The following SHQ1 variants were observed in gnomAD, a reference collection of about 807,000 sequenced individuals.
SHQ1 encodes protein SHQ1 homolog.
In SHQ1, 49 loss-of-function variants were observed where a neutral mutation model predicts 53.8. The observed-to-expected ratio is 0.91, with a 90% confidence interval of 0.72 to 1.16. The LOEUF is 1.16. Ranked by LOEUF, SHQ1 falls within the 50% of genes most tolerant of loss-of-function variation. SHQ1 has a pLI of 0.00. For missense variants in SHQ1, 738 were observed against 683.1 expected, an observed-to-expected ratio of 1.08 and a Z score of -0.90; for synonymous variants, 243 against 251.0, an observed-to-expected ratio of 0.97 and a Z score of 0.30.
At chr3:72,848,088 G>A in intron 1 of SHQ1, 110 bp downstream of exon 1, 2 of 1,350,504 alleles carry the variant, frequency 1.5e-6, no homozygotes, top group Non-Finnish European at 2.1e-6. Context: ...CGGAAACGTC[G>A]GGAAAAGGCA....
chr3:72,746,204 T>C (rs1311046474), downstream of SHQ1, among the ~76,000 whole-genome samples: 1 of 152,088 alleles, frequency 6.6e-6, no homozygotes, highest in Non-Finnish European at 1.5e-5. Context: ...CCAGCTACAG[T>C]GGAGCTGGGT....
intron 10 of SHQ1, chr3:72,753,191 T>A (rs1228154646): frequency 1.0e-6 from 1 of 985,440 alleles, no homozygotes; most frequent in African/African-American, 1.7e-5. Context: ...CATGCTGACA[T>A]GGTTTCTATG....
At chr3:72,734,914 GC>G in the SHQ1 span, among the ~76,000 whole-genome samples, 2 of 151,482 alleles carry the variant, frequency 1.3e-5, no homozygotes, top group Admixed American at 1.3e-4. Flanking sequence ...CAACATTTGT[GC>G]CGGCCATGAT....
chr3:72,743,224 C>T, the SHQ1 span, among the ~76,000 whole-genome samples: 40 of 152,200 alleles, frequency 2.6e-4, no homozygotes, highest in Non-Finnish European at 4.0e-4. Flanking sequence ...TTTCCTGCTC[C>T]GATCATTCTG....
chr3:72,725,380 C>A, the SHQ1 span, among the ~76,000 whole-genome samples: 2 of 152,152 alleles, frequency 1.3e-5, no homozygotes, highest in Non-Finnish European at 2.9e-5. Flanking sequence ...ATTCTCTGAG[C>A]TCCCATGCAG....
intron 10 of SHQ1, among the ~76,000 whole-genome samples, chr3:72,767,176 C>T (rs951859941): frequency 6.6e-6 from 1 of 152,180 alleles, no homozygotes; most frequent in African/African-American, 2.4e-5. Flanking sequence ...TTCATATGTA[C>T]GAACCCATCT....
intron 4 of SHQ1, among the ~76,000 whole-genome samples, chr3:72,840,242 TAAAAAAA>T (rs71623990): frequency 5.3e-5 from 5 of 93,578 alleles, no homozygotes; most frequent in Admixed American, 4.9e-4. Context: ...GACTCTGTCT[TAAAAAAA>T]AAAAAAAAAA....
Position 72,842,334 on chromosome 3 carries a change from C to T in SHQ1, c.277G>A (p.Ala93Thr), listed in dbSNP as rs772462338. 2 of 1,613,940 alleles carry T rather than the reference C, an allele frequency of 1.2e-6. No individual in the cohort carries two copies. Among genetic ancestry groups the T allele is most frequent in the East Asian group, 2.2e-5 (1 of 44,880 alleles). ...QHFEGLNMLTALLAPRKSRTA... is the reference protein window; with the variant it reads ...QHFEGLNMLTTLLAPRKSRTA... ...CTGGATTTTCTTGGTGCCAGAAGAG[C>T]AGTTAACATGTTCAGCCCCTCAAAA... Residue 93 changes from alanine to threonine, a missense_variant, in exon 3 of 11, where the codon GCT becomes ACT. By Grantham distance (58) the Ala-to-Thr change is moderately conservative. Transcript: ENST00000325599.
chr3:72,738,891 A>ACCCCGCCCCG, the SHQ1 span, among the ~76,000 whole-genome samples: 1 of 148,712 alleles, frequency 6.7e-6, no homozygotes, highest in South Asian at 2.2e-4. Context: ...CAGTGGCCCC[A>ACCCCGCCCCG]CCCCGCCCCG....
intron 6 of SHQ1, among the ~76,000 whole-genome samples, chr3:72,822,642 T>C (rs191013688): frequency 7.9e-5 from 12 of 152,304 alleles, no homozygotes; most frequent in Admixed American, 1.3e-4. Flanking sequence ...TTAGGGAAAC[T>C]GACTCAAACC....
rs1165532692 is a variant in SHQ1 at position 72,848,373 on chromosome 3, G to A, written c.-33C>T. 3.1e-6 allele frequency: 5 copies of A among 1,609,740 alleles called. No individual in the cohort carries two copies. The highest frequency in any genetic ancestry group is 4.5e-5 in the East Asian group (2 of 44,730). The stretch of plus-strand genomic sequence containing the variant: ...CCGGACGCAAGGGCCGGCGCCGCTC[G>A]CTCTCACTGCCGCCGCGTTCCCGCC... On this transcript the variant is annotated 5_prime_UTR_variant, in exon 1 of 11. Transcript: ENST00000325599.
At chr3:72,765,554 TA>T (rs1455540488) in intron 10 of SHQ1, among the ~76,000 whole-genome samples, 16,197 of 87,148 alleles carry the variant, frequency 0.19, 1,721 homozygotes, top group Non-Finnish European at 0.24. Flanking sequence ...TATATATATA[TA>T]TATTTTTTTT....
At chr3:72,788,016 C>T (rs1333402846) in intron 10 of SHQ1, among the ~76,000 whole-genome samples, 5 of 152,200 alleles carry the variant, frequency 3.3e-5, no homozygotes, top group Non-Finnish European at 7.4e-5. Context: ...TCACTCAGTG[C>T]TCAATGTTGC....
At chr3:72,837,787 T>G (rs1374382391) in intron 4 of SHQ1, among the ~76,000 whole-genome samples, 2 of 152,246 alleles carry the variant, frequency 1.3e-5, no homozygotes, top group African/African-American at 4.8e-5. Flanking sequence ...GATCACTCAG[T>G]TTTGAACCAC....
chr3:72,743,609 C>G, the SHQ1 span, among the ~76,000 whole-genome samples: 1 of 152,106 alleles, frequency 6.6e-6, no homozygotes, highest in African/African-American at 2.4e-5. Context: ...GCAACACGGC[C>G]GATGCTAGGT....
intron 10 of SHQ1, among the ~76,000 whole-genome samples, chr3:72,758,582 T>C (rs1705547793): frequency 6.9e-6 from 1 of 144,296 alleles, no homozygotes; most frequent in South Asian, 2.2e-4. Flanking sequence ...TTTTTTTTTT[T>C]TTTCCGAGAT....
At chr3:72,826,010 T>C (rs1463901317) in intron 5 of SHQ1, among the ~76,000 whole-genome samples, 1 of 152,144 alleles carries the variant, frequency 6.6e-6, no homozygotes, top group East Asian at 1.9e-4. Context: ...TTTACAAAGG[T>C]AGAAACTGAG....
chr3:72,837,589 T>C (rs1318871464), intron 4 of SHQ1, among the ~76,000 whole-genome samples: 1 of 152,204 alleles, frequency 6.6e-6, no homozygotes, highest in Non-Finnish European at 1.5e-5. Context: ...TGTATGGACA[T>C]CTCTTCATCT....
At chr3:72,756,947 G>A (rs1705508785) in intron 10 of SHQ1, among the ~76,000 whole-genome samples, 1 of 152,126 alleles carries the variant, frequency 6.6e-6, no homozygotes, top group Non-Finnish European at 1.5e-5. Flanking sequence ...TTTACATTTG[G>A]TGACTGTAGG....
Sources: gnomAD v4.1 joint callset for allele counts (sites outside exome capture counted in the v4.1 genomes callset) on GRCh38, gnomAD v4.1.1 for gene constraint, MANE v1.5 for transcripts, NCBI Gene and HGNC (gene_info 2026-07-23, HGNC 2026-07-21) for gene names.